The following RBM19 variants were observed in gnomAD, a reference collection of about 807,000 sequenced individuals.
The protein encoded by RBM19 is RNA binding motif protein 19.
A neutral mutation model predicts 116.8 loss-of-function variants in RBM19; 94 were observed. That is an observed-to-expected ratio of 0.80 (90% CI 0.68 to 0.95). The LOEUF (loss-of-function observed/expected upper bound fraction) is 0.95, where lower values mean the gene tolerates loss of function less well. Ranked by LOEUF, RBM19 falls within the 40% of genes least tolerant of loss-of-function variation. RBM19 has a pLI of 0.00. For missense variants in RBM19, 1,161 were observed against 1,220.7 expected (o/e 0.95, Z 0.73); for synonymous variants, 475 against 494.1 (o/e 0.96, Z 0.51).
At position 113,882,770 on chromosome 12, in the gene RBM19, T is replaced by G. The variant is rs147298974; in HGVS notation, c.2559-23874A>C. 4.6e-3 allele frequency among the ~76,000 whole-genome samples: 704 copies of G among 152,310 alleles called. 9 individuals are homozygous for G. Among genetic ancestry groups the G allele is most frequent in the African/African-American group, 0.016 (666 of 41,564 alleles). On this transcript the variant is annotated intron_variant, in intron 21 of 23. Transcript: ENST00000261741. ...CAAAATCTACATAAAAGCATGTGCT[T>G]ACTGGGCAAATGGAGCTCCCTGGCA... is the stretch of plus-strand genomic sequence containing the variant.
intron 21 of RBM19, among the ~76,000 whole-genome samples, chr12:113,881,670 C>T (rs1309106833): frequency 6.6e-6 from 1 of 152,210 alleles, no homozygotes; most frequent in Admixed American, 6.5e-5. Flanking sequence ...GAAACTACGG[C>T]CAGACAGGAA....
At chr12:113,895,620 A>G (rs1419999391) in intron 21 of RBM19, among the ~76,000 whole-genome samples, 1 of 152,220 alleles carries the variant, frequency 6.6e-6, no homozygotes, top group Non-Finnish European at 1.5e-5. Context: ...TACAAAATGC[A>G]AAGACAAAGA....
intron 7 of RBM19, among the ~76,000 whole-genome samples, chr12:113,954,049 C>A (rs1871695884): frequency 6.6e-6 from 1 of 152,192 alleles, no homozygotes; most frequent in South Asian, 2.1e-4. Context: ...AGTAAACCTA[C>A]AGAAGTTTAC....
intron 21 of RBM19, among the ~76,000 whole-genome samples, chr12:113,888,925 C>A (rs969765190): frequency 6.6e-6 from 1 of 152,232 alleles, no homozygotes; most frequent in South Asian, 2.1e-4. Flanking sequence ...ACGGGTGGTA[C>A]TGCCCCCCTG....
At chr12:113,857,984 G>C (rs1878041842) in intron 22 of RBM19, among the ~76,000 whole-genome samples, 1 of 152,270 alleles carries the variant, frequency 6.6e-6, no homozygotes, top group African/African-American at 2.4e-5. Context: ...GTGAGGCTGA[G>C]AGAGGGGACA....
chr12:113,848,301 C>T lies in RBM19; in HGVS notation c.2665-3513G>A, dbSNP rs751371976. 3.9e-4 allele frequency among the ~76,000 whole-genome samples: 59 copies of T among 152,148 alleles called. 2 individuals are homozygous for T. The highest frequency in any genetic ancestry group is 3.5e-3 in the Admixed American group (53 of 15,282). ...TTGTATTTGAAGTTAGAGCACAATA[C>T]GTGGTTCTCCAAAAATAGCAGAATT... On this transcript the variant is annotated intron_variant, in intron 22 of 23. Transcript: ENST00000261741.
intron 23 of RBM19, among the ~76,000 whole-genome samples, chr12:113,833,766 T>C (rs1875635843): frequency 6.6e-6 from 1 of 152,186 alleles, no homozygotes. Flanking sequence ...TAAAAAGAGA[T>C]AGGGTCTTGC....
rs763480734 is a variant in RBM19 at position 113,946,490 on chromosome 12, C to T, written c.1408-15G>A. The T allele has an allele frequency of 4.4e-5, 71 of 1,614,004 alleles. 1 individual carries two copies. In the Middle Eastern group the frequency reaches 4.9e-4, roughly 11 times the overall value. On this transcript the variant is annotated splice_polypyrimidine_tract_variant and intron_variant, in intron 11 of 23. Transcript: ENST00000261741. ...AGCATCCTGCCCTGGATGGGAATGACGGGAAGGGAGTAAACAGAAGCCTTG... is the reference window on the plus strand; with the variant it reads ...AGCATCCTGCCCTGGATGGGAATGATGGGAAGGGAGTAAACAGAAGCCTTG...
chr12:113,916,661 G>A (rs1057452600), intron 20 of RBM19, among the ~76,000 whole-genome samples: 4 of 152,130 alleles, frequency 2.6e-5, no homozygotes, highest in Non-Finnish European at 4.4e-5. Flanking sequence ...GGAGAGACCC[G>A]CTGCCATGCC....
intron 22 of RBM19, among the ~76,000 whole-genome samples, chr12:113,856,905 G>A (rs955765581): frequency 6.6e-6 from 1 of 152,198 alleles, no homozygotes. Flanking sequence ...GGAAACTGAG[G>A]CACACAGAAA....
chr12:113,926,922 G>A (rs966686387), intron 17 of RBM19, 132 bp downstream of exon 17: 2 of 1,038,664 alleles, frequency 1.9e-6, no homozygotes, highest in South Asian at 3.2e-5. Flanking sequence ...TCAAGTAGGT[G>A]GTGCTGGTTA....
In RBM19 at chr12:113,957,814, C is replaced by T. The variant is rs1295792514; in HGVS notation, c.808G>A (p.Gly270Arg). 9 of 1,604,356 alleles carry T rather than the reference C, an allele frequency of 5.6e-6. No homozygotes were observed. The highest frequency in any genetic ancestry group is 7.7e-6 in the Non-Finnish European group (9 of 1,174,762). Residue 270 changes from glycine (G) to arginine (R), a missense_variant, in exon 6 of 24, where the codon GGG becomes AGG. Coordinates refer to ENST00000261741, the MANE Select transcript of RBM19 (RefSeq NM_016196.4). ...CTGGCCTCCGGTGGTCTCTTTTTCC[C>T]AGCTGGCATCCCTTGCTCTTGGCCT... ...GAGQEQGMPAGKKRPPEARAE... is the reference protein window; with the variant it reads ...GAGQEQGMPARKKRPPEARAE...
intron 23 of RBM19, among the ~76,000 whole-genome samples, chr12:113,841,383 C>T (rs1269228856): frequency 6.6e-6 from 1 of 152,048 alleles, no homozygotes; most frequent in Non-Finnish European, 1.5e-5. Flanking sequence ...ACTCACATAC[C>T]CCAGGTTTAG....
intron 3 of RBM19, 72 bp downstream of exon 3, chr12:113,959,987 T>A: frequency 6.2e-7 from 1 of 1,613,738 alleles, no homozygotes; most frequent in Non-Finnish European, 8.5e-7. Context: ...GGAGGGCCCA[T>A]CTTTGGGAAC....
chr12:113,949,963 T>C (rs1871334532), intron 9 of RBM19, 120 bp downstream of exon 9: 1 of 921,114 alleles, frequency 1.1e-6, no homozygotes, highest in Admixed American at 2.2e-5. Context: ...TAGAACAGTG[T>C]CTGCAGAGAC....
At chr12:113,856,911 A>C (rs1877956042) in intron 22 of RBM19, among the ~76,000 whole-genome samples, 1 of 152,232 alleles carries the variant, frequency 6.6e-6, no homozygotes, top group African/African-American at 2.4e-5. Flanking sequence ...TGAGGCACAC[A>C]GAAAGGATGT....
rs576024999 is a variant in RBM19 at position 113,910,133 on chromosome 12, A to T, written c.2558+4836T>A. Among the ~76,000 whole-genome samples, 9 of 152,236 alleles carry T rather than the reference A, an allele frequency of 5.9e-5. No homozygotes were observed. The East Asian group carries it at 1.5e-3, about 26-fold the overall frequency. ...GCAGGTCTGAAACGCGCTCCTTAGC[A>T]GTTTCCACAGAGGGCCTTAGTGATG... On this transcript the variant is annotated intron_variant, in intron 21 of 23. Transcript: ENST00000261741.
At position 113,962,303 on chromosome 12, in the gene RBM19, T is replaced by C. The variant is rs779730670; in HGVS notation, c.148A>G (p.Lys50Glu). The C allele has an allele frequency of 1.2e-6, 2 of 1,614,256 alleles. No homozygotes were observed. Among genetic ancestry groups the C allele is most frequent in the South Asian group, 2.2e-5 (2 of 91,086 alleles). Residue 50 changes from lysine (K) to glutamate (E), a missense_variant, in exon 2 of 24, where the codon AAG (lysine) becomes GAG (glutamate). Coordinates refer to ENST00000261741, the MANE Select transcript of RBM19 (RefSeq NM_016196.4). ...GCCTTCTGGGCCTCTTCCTCGGACT[T>C]GAAGCCAATAAAACCAAACTTGCGG... ...KFRKFGFIGFKSEEEAQKAQK... is the reference protein window; with the variant it reads ...KFRKFGFIGFESEEEAQKAQK...
At chr12:113,953,226 C>T (rs1013071693) in intron 7 of RBM19, among the ~76,000 whole-genome samples, 11 of 152,198 alleles carry the variant, frequency 7.2e-5, no homozygotes, top group African/African-American at 2.7e-4. Context: ...CGGTGGCTCA[C>T]GCCTGTAATC....
Sources: gnomAD v4.1 joint callset for allele counts (sites outside exome capture counted in the v4.1 genomes callset) on GRCh38, gnomAD v4.1.1 for gene constraint, MANE v1.5 for transcripts, NCBI Gene and HGNC (gene_info 2026-07-23, HGNC 2026-07-21) for gene names.